MRPL19: variants seen among roughly 807,000 people sequenced by gnomAD.
The protein encoded by MRPL19 is large ribosomal subunit protein bL19m.
Under a neutral mutation model 34.0 loss-of-function variants are expected in MRPL19, and 31 were observed. The observed-to-expected ratio is 0.91, with a 90% CI of 0.68 to 1.23. The LOEUF is 1.23. Ranked by LOEUF, MRPL19 falls within the 50% of genes most tolerant of loss-of-function variation. MRPL19 has a pLI of 0.00. For synonymous variants in MRPL19, 152 were observed against 127.7 expected, an observed-to-expected ratio of 1.19 and a Z score of -1.28; for missense variants, 384 against 367.6, an observed-to-expected ratio of 1.04 and a Z score of -0.37.
rs1398492483 is a variant in MRPL19, at chr2:75,658,095, G to A, written c.*2810G>A. Among the ~76,000 whole-genome samples, 1 of 151,976 alleles carries A rather than the reference G, an allele frequency of 6.6e-6. No individual in the cohort carries two copies. The highest frequency in any genetic ancestry group is 6.6e-5 in the Admixed American group (1 of 15,258). ...CTCAAATCTTTCTTTTTATCTTTGA[G>A]ACAAGGTCTCATTCTATCACTCAGG... On this transcript the variant is annotated 3_prime_UTR_variant, in exon 6 of 6. Transcript: ENST00000393909.
At chr2:75,652,865 A>T (rs1425554398) in intron 4 of MRPL19, among the ~76,000 whole-genome samples, 1 of 152,216 alleles carries the variant, frequency 6.6e-6, no homozygotes, top group Non-Finnish European at 1.5e-5. Context: ...AAGGCTTCTT[A>T]TGTTATTGGA....
intron 1 of MRPL19, 71 bp from the exon 2 acceptor site, chr2:75,647,031 G>A (rs750599565): frequency 6.7e-7 from 1 of 1,494,298 alleles, no homozygotes; most frequent in Non-Finnish European, 9.0e-7. Flanking sequence ...CCGGGTTGGG[G>A]GAGATTGCGG....
chr2:75,651,751 A>T (rs1224089874), intron 2 of MRPL19: 2 of 243,944 alleles, frequency 8.2e-6, no homozygotes, highest in East Asian at 2.1e-4. Flanking sequence ...AGTAATGGTT[A>T]TAGGCTTTGG....
In MRPL19 at chr2:75,652,220, A is replaced by G; in HGVS notation, c.300A>G (p.Leu100=). 1 of 1,602,600 alleles carries G rather than the reference A, an allele frequency of 6.2e-7. No homozygotes were observed. Among genetic ancestry groups the G allele is most frequent in the Non-Finnish European group, 8.5e-7 (1 of 1,172,620 alleles). The part of the protein sequence containing the change: ...LKFQIERKDM[L]ERRKVLHIPE... ...TTCAAATAGAAAGAAAAGATATGTT[A>G]GAAAGGAGAAAAGTACTCCACATTC... Residue 100 remains leucine (L), a synonymous_variant, in exon 3 of 6, where the codon TTA becomes TTG. Transcript: ENST00000393909.
intron 3 of MRPL19, 107 bp from the exon 4 acceptor site, chr2:75,652,416 G>A: frequency 7.1e-7 from 1 of 1,405,514 alleles, no homozygotes; most frequent in Non-Finnish European, 9.8e-7. Context: ...CATTTAGGAA[G>A]TTAAGTTATC....
Position 75,654,921 on chromosome 2 carries a change from T to C in MRPL19, c.657+4T>C, listed in dbSNP as rs779374172. ...CCAAAAAGTTCCTGTTAATGAGGTATGGGTTATACATTTGAAACTAGAAGT... is the reference window on the plus strand; with the variant it reads ...CCAAAAAGTTCCTGTTAATGAGGTACGGGTTATACATTTGAAACTAGAAGT... On this transcript the variant is annotated splice_donor_region_variant and intron_variant, in intron 5 of 5. Transcript: ENST00000393909. 6.3e-7 allele frequency: 1 copy of C among 1,593,972 alleles called. No individual in the cohort carries two copies. Among genetic ancestry groups the C allele is most frequent in the Admixed American group, 1.8e-5 (1 of 55,368 alleles).
intron 2 of MRPL19, among the ~76,000 whole-genome samples, chr2:75,648,322 G>A (rs80019911): frequency 0.012 from 1,751 of 152,058 alleles, 47 homozygotes; most frequent in South Asian, 0.074. Flanking sequence ...AACTCCTAAC[G>A]TGTATGTACA....
chr2:75,648,348 G>A (rs973602560), intron 2 of MRPL19, among the ~76,000 whole-genome samples: 3 of 152,082 alleles, frequency 2.0e-5, no homozygotes, highest in Non-Finnish European at 4.4e-5. Context: ...ACAAGCACGA[G>A]AATGAATGTA....
rs1678453723 is a variant in MRPL19 at position 75,656,399 on chromosome 2, G to C, written c.*1114G>C. 1.3e-5 allele frequency: 2 copies of C among 152,122 alleles called. No homozygotes were observed. Among genetic ancestry groups the C allele is most frequent in the Non-Finnish European group, 2.9e-5 (2 of 68,016 alleles). The allele number at this position is 152,122 out of a possible 1,614,324, so 9.4% of individuals were successfully genotyped here. ...TATCCATTGAGTTACCTTCAGATCT[G>C]CCCTCTGGTTCCTAGCTGTCTTGGG... is the stretch of plus-strand genomic sequence containing the variant. On this transcript the variant is annotated 3_prime_UTR_variant, in exon 6 of 6. Coordinates refer to ENST00000393909, the MANE Select transcript of MRPL19 (RefSeq NM_014763.4).
At chr2:75,652,779 G>A in intron 4 of MRPL19, 122 bp downstream of exon 4, 1 of 1,038,130 alleles carries the variant, frequency 9.6e-7, no homozygotes, top group Non-Finnish European at 1.4e-6. Context: ...GAGGGAAGAT[G>A]TGGAGCCTGT....
rs1232010543 is a variant in MRPL19, at chr2:75,658,692, G to A, written c.*3407G>A. ...AGAAGATACTTAGTATGATTTTAAT[G>A]TTTTTGAGAATTGGTGTGTGGCCTG... On this transcript the variant is annotated 3_prime_UTR_variant, in exon 6 of 6. Transcript: ENST00000393909. Among the ~76,000 whole-genome samples, 1 of 152,066 alleles carries A rather than the reference G, an allele frequency of 6.6e-6. No homozygotes were observed. The highest frequency in any genetic ancestry group is 1.5e-5 in the Non-Finnish European group (1 of 68,000).
chr2:75,658,912 T>C lies in MRPL19; in HGVS notation c.*3627T>C, dbSNP rs1237956751. 6.7e-6 allele frequency among the ~76,000 whole-genome samples: 1 copy of C among 150,162 alleles called. No homozygotes were observed. The highest frequency in any genetic ancestry group is 1.5e-5 in the Non-Finnish European group (1 of 67,754). On this transcript the variant is annotated 3_prime_UTR_variant, in exon 6 of 6. Coordinates refer to ENST00000393909, the MANE Select transcript of MRPL19 (RefSeq NM_014763.4). ...CCATGTATTTGTGTCTTTGGAGCTA[T>C]AGTCTCTTGTAGACAGCATATCACT...
Position 75,654,831 on chromosome 2 carries a change from C to T in MRPL19, c.571C>T (p.Arg191Ter), listed in dbSNP as rs374037942. 1.3e-5 allele frequency: 21 copies of T among 1,613,638 alleles called. No homozygotes were observed. The highest frequency in any genetic ancestry group is 7.7e-5 in the South Asian group (7 of 91,078). ...KRLDDSLLYLRDALPEYSTFD... is the reference protein window; with the variant it reads ...KRLDDSLLYL ...GCTGGATGATAGCTTGCTATACTTACGAGATGCCCTTCCTGAATATAGCAC... is the reference window on the plus strand; with the variant it reads ...GCTGGATGATAGCTTGCTATACTTATGAGATGCCCTTCCTGAATATAGCAC... Residue 191 changes from arginine (R) to a stop codon, truncating the protein, a stop_gained, in exon 5 of 6, where the codon CGA becomes TGA. Coordinates refer to ENST00000393909, the MANE Select transcript of MRPL19 (RefSeq NM_014763.4). LOFTEE classifies it high-confidence loss of function.
rs770651481 is a variant in MRPL19, at chr2:75,654,940, T to C, written c.657+23T>C. The stretch of plus-strand genomic sequence containing the variant: ...GAGGTATGGGTTATACATTTGAAAC[T>C]AGAAGTTCAAGTATAAAATAAGAAA... On this transcript the variant is annotated intron_variant, in intron 5 of 5. Coordinates refer to ENST00000393909, the MANE Select transcript of MRPL19 (RefSeq NM_014763.4). 1.5e-5 allele frequency: 23 copies of C among 1,571,994 alleles called. No individual in the cohort carries two copies. In the South Asian group the frequency reaches 1.8e-4, roughly 12 times the overall value.
chr2:75,646,969 G>A, intron 1 of MRPL19, 59 bp downstream of exon 1: 1 of 1,501,058 alleles, frequency 6.7e-7, no homozygotes, highest in South Asian at 1.3e-5. Flanking sequence ...CAGGATGGGG[G>A]AGGCGAACCT....
At position 75,655,081 on chromosome 2, in the gene MRPL19, G is replaced by A. The variant is rs760794982; in HGVS notation, c.675G>A (p.Lys225=). 2 of 1,515,552 alleles carry A rather than the reference G, an allele frequency of 1.3e-6. No individual in the cohort carries two copies. Among genetic ancestry groups the A allele is most frequent in the Non-Finnish European group, 1.8e-6 (2 of 1,110,538 alleles). 93.9% of individuals were successfully genotyped at this position (1,515,552 alleles called of 1,614,324 possible). Residue 225 remains lysine, a synonymous_variant, in exon 6 of 6, where the codon AAG becomes AAA. Transcript: ENST00000393909. ...TTCCTTAGCTGAAAGTAAAAATGAA[G>A]CCTAAGCCCTGGTCTAAACGCTGGG... ...VPVNELKVKM[K]PKPWSKRWER... is the part of the protein sequence containing the mutation.
In MRPL19 at chr2:75,655,101, G is replaced by A. The variant is rs753109462; in HGVS notation, c.695G>A (p.Arg232His). Residue 232 changes from arginine (R) to histidine (H), a missense_variant, in exon 6 of 6, where the codon CGC (arginine) becomes CAC (histidine). Coordinates refer to ENST00000393909, the MANE Select transcript of MRPL19 (RefSeq NM_014763.4). ...ATGAAGCCTAAGCCCTGGTCTAAAC[G>A]CTGGGAACGTCCAAATTTTAATATT... is the stretch of plus-strand genomic sequence containing the variant. ...VKMKPKPWSK[R>H]WERPNFNIKG... 28 of 1,602,528 alleles carry A rather than the reference G, an allele frequency of 1.7e-5. No individual in the cohort carries two copies. The highest frequency in any genetic ancestry group is 1.7e-4 in the Admixed American group (10 of 58,306).
rs1396753263 is a variant in MRPL19 at position 75,646,794 on chromosome 2, G to A, written c.-14G>A. The stretch of plus-strand genomic sequence containing the variant: ...GATTACTGGGAGCTGTAGTCTTGAC[G>A]TGAGCTAGCTGGCATGGCGGCCTGC... On this transcript the variant is annotated 5_prime_UTR_variant, in exon 1 of 6. It adds an upstream start codon to the 5' untranslated region. Transcript: ENST00000393909. 2 of 1,493,582 alleles carry A rather than the reference G, an allele frequency of 1.3e-6. No homozygotes were observed. Among genetic ancestry groups the A allele is most frequent in the African/African-American group, 2.8e-5 (2 of 71,274 alleles). 92.5% of individuals were successfully genotyped at this position (1,493,582 alleles called of 1,614,324 possible). A position where few individuals can be genotyped will look rare whatever the true frequency, so the allele number is the denominator to read the frequency against.
chr2:75,648,704 CAA>C (rs112983842), intron 2 of MRPL19, among the ~76,000 whole-genome samples: 51 of 117,096 alleles, frequency 4.4e-4, no homozygotes, highest in African/African-American at 1.2e-3. Flanking sequence ...ACTAAAAGTA[CAA>C]AAAAAAAAAA....
Sources: gnomAD v4.1 joint callset for allele counts (sites outside exome capture counted in the v4.1 genomes callset) on GRCh38, gnomAD v4.1.1 for gene constraint, MANE v1.5 for transcripts, NCBI Gene and HGNC (gene_info 2026-07-23, HGNC 2026-07-21) for gene names.